The following LRRC9 variants were observed in gnomAD, a reference collection of about 807,000 sequenced individuals.
The protein encoded by LRRC9 is leucine rich repeat containing 9.
Under a neutral mutation model 63.2 loss-of-function variants are expected in LRRC9, and 122 were observed. That is an observed-to-expected ratio of 1.93 (90% CI 1.67 to 2.24). The LOEUF (loss-of-function observed/expected upper bound fraction) is 2.24. Among genes scored for constraint, LRRC9 ranks in the 30% most tolerant of loss-of-function variants. The probability of loss-of-function intolerance (pLI) is 0.00; values close to 1 mark genes in which losing one functional copy is unlikely to be tolerated. For missense variants in LRRC9, 1,071 were observed against 627.7 expected (o/e 1.71, Z -7.55); for synonymous variants, 366 against 213.1 (o/e 1.72, Z -6.25).
intron 15 of LRRC9, among the ~76,000 whole-genome samples, chr14:59,981,635 A>G (rs1245841944): frequency 3.3e-5 from 5 of 152,276 alleles, no homozygotes; most frequent in African/African-American, 1.2e-4. Flanking sequence ...ATCTTCTGCC[A>G]GTTTTAAGAA....
intron 6 of LRRC9, among the ~76,000 whole-genome samples, chr14:59,933,939 A>T (rs1426186690): frequency 6.6e-6 from 1 of 152,206 alleles, no homozygotes; most frequent in Non-Finnish European, 1.5e-5. Flanking sequence ...TCTCGAATAT[A>T]GACTGTATTT....
At chr14:59,934,146 G>GA (rs1249137662) in intron 6 of LRRC9, among the ~76,000 whole-genome samples, 4 of 151,496 alleles carry the variant, frequency 2.6e-5, no homozygotes, top group Non-Finnish European at 5.9e-5. Context: ...GAAAAAAAAA[G>GA]AAAAAAAGAA....
At chr14:59,980,136 T>C (rs1566840084) in intron 15 of LRRC9, among the ~76,000 whole-genome samples, 2 of 152,174 alleles carry the variant, frequency 1.3e-5, no homozygotes, top group African/African-American at 2.4e-5. Flanking sequence ...ACAATACTTA[T>C]ATAACTTGTT....
intron 8 of LRRC9, among the ~76,000 whole-genome samples, chr14:59,948,090 A>C (rs1882665380): frequency 8.6e-6 from 1 of 116,500 alleles, no homozygotes. Flanking sequence ...TCTGTAAATT[A>C]CCTTGGGCAG....
chr14:60,051,971 C>T lies in LRRC9; in HGVS notation c.3991-1094C>T, dbSNP rs151099278. Among the ~76,000 whole-genome samples the T allele has an allele frequency of 5.1e-3, 770 of 152,298 alleles. 14 individuals carry two copies. Among genetic ancestry groups the T allele is most frequent in the African/African-American group, 0.017 (711 of 41,546 alleles). On this transcript the variant is annotated intron_variant, in intron 29 of 31. Transcript: ENST00000445360. This position sits in a 1 kb window ranked among gnomAD's most constrained non-coding sequence, Gnocchi z 4.7. ...ACTCCCATGTGGGCTGTCACCCCAC[C>T]CTGCTTTTCTTTGTTCCCCATGGAT...
chr14:60,000,564 A>G (rs1465237582), intron 19 of LRRC9, among the ~76,000 whole-genome samples: 1 of 152,156 alleles, frequency 6.6e-6, no homozygotes, highest in Non-Finnish European at 1.5e-5. Flanking sequence ...CCTAATATAG[A>G]CGGTGGAAAC....
chr14:59,993,982 C>T (rs1888460204), intron 17 of LRRC9, among the ~76,000 whole-genome samples: 2 of 152,156 alleles, frequency 1.3e-5, no homozygotes, highest in African/African-American at 4.8e-5. Context: ...ATCTACAGAA[C>T]TCTCCACCCC....
intron 8 of LRRC9, among the ~76,000 whole-genome samples, chr14:59,946,082 T>C (rs1206206579): frequency 4.6e-5 from 7 of 151,536 alleles, no homozygotes; most frequent in Non-Finnish European, 1.5e-5. Context: ...AAAGGATATA[T>C]ATAAAAATAT....
intron 23 of LRRC9, among the ~76,000 whole-genome samples, chr14:60,013,006 T>C (rs1407584786): frequency 1.3e-5 from 2 of 151,656 alleles, no homozygotes; most frequent in African/African-American, 4.8e-5. Flanking sequence ...ATGTGCACAA[T>C]GTGCAGGTTC....
In LRRC9 at chr14:60,003,787, C is replaced by A; in HGVS notation, c.2831C>A (p.Ser944Ter). The change falls in exon 21 of 32, where the codon TCA becomes TAA. Residue 944 changes from serine (S) to a stop codon, truncating the protein, a stop_gained. Coordinates refer to ENST00000445360, the Ensembl canonical transcript of LRRC9. LOFTEE classifies it high-confidence loss of function. This position sits in a 1 kb window ranked among gnomAD's most constrained non-coding sequence, Gnocchi z 4.2. The stretch of plus-strand genomic sequence containing the variant: ...CTCACATTAGATGGAAACTGCATCT[C>A]AAAGATAGAAGGTAAGGTACTTAAG... 1 of 607,422 alleles carries A rather than the reference C, an allele frequency of 1.6e-6. No homozygotes were observed. Among genetic ancestry groups the A allele is most frequent in the Non-Finnish European group, 2.9e-6 (1 of 344,480 alleles). The allele number at this position is 607,422 out of a possible 1,614,324, so 37.6% of individuals were successfully genotyped here. A position where few individuals can be genotyped will look rare whatever the true frequency, so the allele number is the denominator to read the frequency against.
rs1337561478 is a variant in LRRC9, at chr14:60,017,161, G to T, written c.3317+371G>T. 6.6e-6 allele frequency among the ~76,000 whole-genome samples: 1 copy of T among 151,996 alleles called. No homozygotes were observed. The highest frequency in any genetic ancestry group is 1.5e-5 in the Non-Finnish European group (1 of 67,974). On this transcript the variant is annotated intron_variant, in intron 24 of 31. Coordinates refer to ENST00000445360, the Ensembl canonical transcript of LRRC9. The surrounding 1 kb of genome is among the most constrained non-coding windows in gnomAD (Gnocchi z 4.0). Reference sequence around the variant, plus strand: ...GTCTCCCAAAGTGTTGGGATTTCAGGTGTGAGCCACTGTGCCCAGCCTAAA... The same window carrying T: ...GTCTCCCAAAGTGTTGGGATTTCAGTTGTGAGCCACTGTGCCCAGCCTAAA...
At chr14:59,944,849 TACAC>T (rs528764946) in intron 8 of LRRC9, 105 bp downstream of exon 8, 6,171 of 463,780 alleles carry the variant, frequency 0.013, 256 homozygotes, top group East Asian at 0.1. Context: ...ACATATATAA[TACAC>T]ACACACACAC....
Position 59,966,772 on chromosome 14 carries a change from A to G in LRRC9, c.1388+7A>G. 1.6e-6 allele frequency: 1 copy of G among 615,370 alleles called. No homozygotes were observed. 38.1% of individuals were successfully genotyped at this position (615,370 alleles called of 1,614,324 possible). ...AAGATATGCATGATTCAGAGTAAGAAGCTGAATTCTTTATGGAACAACTTT... is the reference window on the plus strand; with the variant it reads ...AAGATATGCATGATTCAGAGTAAGAGGCTGAATTCTTTATGGAACAACTTT... On this transcript the variant is annotated splice_region_variant and intron_variant, in intron 11 of 31. Coordinates refer to ENST00000445360, the Ensembl canonical transcript of LRRC9. The surrounding 1 kb of genome is among the most constrained non-coding windows in gnomAD (Gnocchi z 4.0).
chr14:60,057,914 T>C, exon 31 of LRRC9: 1 of 690,638 alleles, frequency 1.4e-6, no homozygotes, highest in Non-Finnish European at 2.7e-6. Flanking sequence ...GGATGGCAGA[T>C]CATTTGGCCA....
intron 1 of LRRC9, among the ~76,000 whole-genome samples, chr14:59,921,717 ATT>A (rs57938700): frequency 4.5e-4 from 55 of 121,140 alleles, no homozygotes; most frequent in African/African-American, 1.5e-3. Flanking sequence ...GGGCAGTTGG[ATT>A]TTTTTTTTTT....
At chr14:60,006,965 T>C (rs1238186606) in intron 22 of LRRC9, among the ~76,000 whole-genome samples, 1 of 152,178 alleles carries the variant, frequency 6.6e-6, no homozygotes, top group Non-Finnish European at 1.5e-5. Flanking sequence ...TGCTCAGATT[T>C]GCTTTTGTTA....
At chr14:60,037,934 A>G (rs1224041462) in intron 29 of LRRC9, among the ~76,000 whole-genome samples, 2 of 152,194 alleles carry the variant, frequency 1.3e-5, no homozygotes, top group Non-Finnish European at 2.9e-5. Context: ...TCTTGAATTA[A>G]TTTTTGTATA....
chr14:60,034,348 C>T (rs1892254282), intron 29 of LRRC9, among the ~76,000 whole-genome samples: 1 of 151,876 alleles, frequency 6.6e-6, no homozygotes, highest in South Asian at 2.1e-4. Context: ...TGTCATAGTA[C>T]TTTCATGAAT....
chr14:60,038,148 A>G (rs1294148119), intron 29 of LRRC9, among the ~76,000 whole-genome samples: 2 of 152,132 alleles, frequency 1.3e-5, no homozygotes, highest in Non-Finnish European at 2.9e-5. Context: ...TACCAGTACT[A>G]TGCTGTTTTG....
Sources: allele counts gnomAD v4.1 joint callset (sites outside exome capture counted in the v4.1 genomes callset), GRCh38; gene constraint gnomAD v4.1.1; non-coding constraint Gnocchi (gnomAD v3.1); transcripts MANE v1.5; gene names NCBI Gene and HGNC (gene_info 2026-07-23, HGNC 2026-07-21).